CLPX: variants seen among roughly 807,000 people sequenced by gnomAD.
The protein encoded by CLPX is ATP-dependent clpX-like chaperone, mitochondrial.
CLPX carries 34 observed loss-of-function variants against 76.4 expected under a neutral mutation model. That is an observed-to-expected ratio of 0.45 (90% CI 0.34 to 0.59). CLPX has a LOEUF of 0.59. Among genes scored for constraint, CLPX ranks in the 20% least tolerant of loss-of-function variants. The probability of loss-of-function intolerance (pLI) is 0.01; values close to 1 mark genes in which losing one functional copy is unlikely to be tolerated. For missense variants in CLPX, 613 were observed against 757.0 expected (o/e 0.81, Z 2.23); for synonymous variants, 248 against 270.9 (o/e 0.92, Z 0.83).
chr15:65,165,445 G>A (rs12909348), intron 4 of CLPX, among the ~76,000 whole-genome samples: 41,427 of 137,000 alleles, frequency 0.3, 7,321 homozygotes, highest in South Asian at 0.49. Flanking sequence ...GTGCAGTGGC[G>A]TGATCTTGGC....
intron 5 of CLPX, 87 bp downstream of exon 5, chr15:65,163,942 C>T (rs1267608471): frequency 1.1e-5 from 14 of 1,259,394 alleles, no homozygotes; most frequent in Non-Finnish European, 1.6e-5. Context: ...ATATAAAAAA[C>T]ATTTTAAGAA....
intron 1 of CLPX, 141 bp downstream of exon 1, chr15:65,184,934 G>C: frequency 1.4e-6 from 1 of 701,490 alleles, no homozygotes; most frequent in Non-Finnish European, 2.5e-6. Flanking sequence ...GGAAAGTGGT[G>C]GGTGCCGGGC....
Position 65,148,641 on chromosome 15 carries a change from C to G in CLPX, c.*2182G>C, listed in dbSNP as rs2087681591. ...TTTTATTAATTATATCAAAGAAAGC[C>G]CAACTCTTCATCAACAAGATTTAGA... On this transcript the variant is annotated 3_prime_UTR_variant, in exon 14 of 14. Transcript: ENST00000300107. 2 of 151,826 alleles carry G rather than the reference C, an allele frequency of 1.3e-5. No individual in the cohort carries two copies. Among genetic ancestry groups the G allele is most frequent in the Admixed American group, 6.6e-5 (1 of 15,230 alleles). The allele number at this position is 151,826 out of a possible 1,614,324, so 9.4% of individuals were successfully genotyped here. A position where few individuals can be genotyped will look rare whatever the true frequency, so the allele number is the denominator to read the frequency against.
At chr15:65,159,801 ATTTTC>A (rs1440887080) in intron 6 of CLPX, among the ~76,000 whole-genome samples, 2 of 147,880 alleles carry the variant, frequency 1.4e-5, no homozygotes, top group Non-Finnish European at 3.0e-5. Context: ...TTATTTTTAC[ATTTTC>A]TTTTCTTTTT....
At position 65,171,961 on chromosome 15, in the gene CLPX, G is replaced by GA. The variant is rs372111419; in HGVS notation, c.359-5177dup. Among the ~76,000 whole-genome samples the GA allele has an allele frequency of 1.8e-3, 276 of 150,674 alleles. 3 individuals are homozygous for GA. Among genetic ancestry groups the GA allele is most frequent in the African/African-American group, 5.9e-3 (242 of 41,144 alleles). ...GTTATTTATCAAAATGCTATTTTGG[G>GA]AAAAAAAAATACAAGCATTGCAATG... On this transcript the variant is annotated intron_variant, in intron 3 of 13. Transcript: ENST00000300107.
intron 3 of CLPX, among the ~76,000 whole-genome samples, chr15:65,168,980 C>T (rs1474139780): frequency 6.6e-6 from 1 of 151,478 alleles, no homozygotes; most frequent in African/African-American, 2.4e-5. Context: ...CCTCAGCCTC[C>T]CTGAGTATCC....
At chr15:65,161,075 T>C (rs1385687888) in intron 6 of CLPX, among the ~76,000 whole-genome samples, 2 of 152,226 alleles carry the variant, frequency 1.3e-5, no homozygotes, top group African/African-American at 2.4e-5. Flanking sequence ...AATGAATATA[T>C]GCAAAACACT....
At chr15:65,172,619 C>G (rs545115651) in intron 3 of CLPX, among the ~76,000 whole-genome samples, 1 of 151,918 alleles carries the variant, frequency 6.6e-6, no homozygotes. Context: ...GCAATAAGAG[C>G]GAAACTCCGT....
At position 65,184,976 on chromosome 15, in the gene CLPX, G is replaced by T. The variant is rs1025801989; in HGVS notation, c.79+99C>A. ...CCGCGCATTCCCTCACACTCCCCGG[G>T]TGCAGCAGGCCTCGTGCCCTCCCCG... On this transcript the variant is annotated intron_variant, in intron 1 of 13. Coordinates refer to ENST00000300107, the MANE Select transcript of CLPX (RefSeq NM_006660.5). The T allele has an allele frequency of 1.4e-5, 14 of 988,130 alleles. 1 individual carries two copies. The highest frequency in any genetic ancestry group is 6.3e-6 in the Non-Finnish European group (4 of 637,338). 61.2% of individuals were successfully genotyped at this position (988,130 alleles called of 1,614,324 possible). A position where few individuals can be genotyped will look rare whatever the true frequency, so the allele number is the denominator to read the frequency against.
intron 6 of CLPX, among the ~76,000 whole-genome samples, chr15:65,159,492 C>T (rs2087827381): frequency 6.6e-6 from 1 of 152,180 alleles, no homozygotes; most frequent in South Asian, 2.1e-4. Context: ...CGCCTATAGT[C>T]CCAGCTACTT....
intron 4 of CLPX, 33 bp from the exon 5 acceptor site, chr15:65,164,221 T>C: frequency 1.3e-6 from 2 of 1,544,156 alleles, no homozygotes; most frequent in Non-Finnish European, 1.8e-6. Context: ...TAATTTAATA[T>C]GAGCTATTAT....
intron 1 of CLPX, chr15:65,184,421 C>G (rs2088224914): frequency 2.0e-5 from 3 of 152,370 alleles, no homozygotes; most frequent in Admixed American, 2.0e-4. Context: ...CAAGTACTTC[C>G]GAACCAACTC....
In CLPX at chr15:65,176,015, T is replaced by C. The variant is rs143907020; in HGVS notation, c.358+2919A>G. ...ACACATTTGCTATTAATTTTGCACA[T>C]AAGTGTGTGCTCTTTTTTTCATTCT... On this transcript the variant is annotated intron_variant, in intron 3 of 13. Transcript: ENST00000300107. Among the ~76,000 whole-genome samples, 587 of 152,324 alleles carry C rather than the reference T, an allele frequency of 3.9e-3. 2 individuals carry two copies. Among genetic ancestry groups the C allele is most frequent in the Admixed American group, 9.9e-3 (152 of 15,296 alleles).
At chr15:65,169,921 C>T (rs1259406963) in intron 3 of CLPX, among the ~76,000 whole-genome samples, 2 of 151,840 alleles carry the variant, frequency 1.3e-5, no homozygotes, top group Admixed American at 6.6e-5. Context: ...TCACCACGCC[C>T]GGCTAATTTT....
chr15:65,159,821 T>A (rs1008637557), intron 6 of CLPX, among the ~76,000 whole-genome samples: 2 of 151,356 alleles, frequency 1.3e-5, no homozygotes, highest in Middle Eastern at 3.4e-3. Context: ...CTTTTTTTTT[T>A]TTTTATTTTG....
At chr15:65,170,059 C>T (rs1235948388) in intron 3 of CLPX, among the ~76,000 whole-genome samples, 5 of 152,032 alleles carry the variant, frequency 3.3e-5, no homozygotes, top group African/African-American at 1.2e-4. Context: ...CCGCACCCAG[C>T]GACTTTTTTT....
At chr15:65,177,741 G>A (rs1425987087) in intron 3 of CLPX, among the ~76,000 whole-genome samples, 1 of 152,164 alleles carries the variant, frequency 6.6e-6, no homozygotes, top group Non-Finnish European at 1.5e-5. Flanking sequence ...ATCTGTAGTA[G>A]AATCTTTGCA....
chr15:65,155,503 C>A (rs879324440), intron 10 of CLPX, among the ~76,000 whole-genome samples, 189 bp downstream of exon 10: 16 of 152,196 alleles, frequency 1.1e-4, no homozygotes, highest in Non-Finnish European at 1.9e-4. Context: ...CCACCTTGGC[C>A]TCCCAAAGAA....
intron 3 of CLPX, among the ~76,000 whole-genome samples, chr15:65,168,383 CAAAAAAA>C (rs71136319): frequency 0.021 from 749 of 35,644 alleles, 10 homozygotes; most frequent in African/African-American, 0.077. Flanking sequence ...GACTCTGTCT[CAAAAAAA>C]AAAAAAAAAA....
Sources: gnomAD v4.1 joint callset for allele counts (sites outside exome capture counted in the v4.1 genomes callset) on GRCh38, gnomAD v4.1.1 for gene constraint, MANE v1.5 for transcripts, NCBI Gene and HGNC (gene_info 2026-07-23, HGNC 2026-07-21) for gene names.